Variants in APBB2 observed in about 807,000 individuals in gnomAD.
APBB2 encodes the protein Fe65-like 1.
In APBB2, 38 loss-of-function variants were observed where a neutral mutation model predicts 82.5. The ratio of observed to expected loss-of-function variants is 0.46; its 90% CI spans 0.36 to 0.60. The LOEUF (loss-of-function observed/expected upper bound fraction) is 0.60, where lower values mean the gene tolerates loss of function less well. APBB2 is among the 20% of genes least tolerant of loss of function. The pLI is 0.00. For synonymous variants in APBB2, 341 were observed against 368.2 expected (o/e 0.93, Z 0.85); for missense variants, 772 against 972.3 (o/e 0.79, Z 2.74).
Position 41,013,651 on chromosome 4 carries a change from C to T in APBB2, c.767G>A (p.Ser256Asn), listed in dbSNP as rs775216158. ...CGTTGTCCAGCTGGACTCCTCATCG[C>T]TCGGTGCCAGGTTCTGGATCCGGTG... ...ALHRIQNLAP[S>N]DEESSWTTLS... Residue 256 changes from serine to asparagine, a missense_variant, in exon 6 of 18, where the codon AGC (serine) becomes AAC (asparagine). Transcript: ENST00000508593. 9.3e-6 allele frequency: 15 copies of T among 1,614,126 alleles called. No individual in the cohort carries two copies. The highest frequency in any genetic ancestry group is 2.2e-5 in the East Asian group (1 of 44,896).
At chr4:41,058,601 T>C (rs75787857) in intron 4 of APBB2, among the ~76,000 whole-genome samples, 29,677 of 152,054 alleles carry the variant, frequency 0.2, 3,613 homozygotes, top group Non-Finnish European at 0.27. Flanking sequence ...AGTAAGGAGG[T>C]AGCCACGGAT....
chr4:40,906,464 C>CAAAAAAAAAAAAAATAAAAAAGAAAAAA (rs1776738438), intron 10 of APBB2, among the ~76,000 whole-genome samples: 1 of 67,990 alleles, frequency 1.5e-5, no homozygotes, highest in African/African-American at 6.5e-5. Context: ...AAACCTGTCT[C>CAAAAAAAAAAAAAATAAAAAAGAAAAAA]AAAAAAAAAA....
At chr4:41,000,057 A>ATGTG (rs1804726089) in intron 6 of APBB2, among the ~76,000 whole-genome samples, 1 of 86,262 alleles carries the variant, frequency 1.2e-5, no homozygotes, top group African/African-American at 3.9e-5. Flanking sequence ...GTATATGTAT[A>ATGTG]TATATGTGTG....
intron 1 of APBB2, among the ~76,000 whole-genome samples, chr4:41,164,458 G>A (rs1399093508): frequency 6.6e-6 from 1 of 152,118 alleles, no homozygotes; most frequent in African/African-American, 2.4e-5. Flanking sequence ...ACTGACACAG[G>A]ATGCAAAAGG....
At chr4:41,078,554 G>C (rs1216098588) in intron 3 of APBB2, among the ~76,000 whole-genome samples, 1 of 152,184 alleles carries the variant, frequency 6.6e-6, no homozygotes, top group Non-Finnish European at 1.5e-5. Context: ...AGTGCATCTT[G>C]TTATTTAAGG....
At chr4:41,193,684 C>T in intron 1 of APBB2, 1 of 372,754 alleles carries the variant, frequency 2.7e-6, no homozygotes, top group Non-Finnish European at 3.7e-6. Context: ...ACCACTGCTG[C>T]TGTTACAGCA....
intron 3 of APBB2, among the ~76,000 whole-genome samples, chr4:41,098,767 C>T (rs976603054): frequency 4.6e-5 from 7 of 152,160 alleles, no homozygotes; most frequent in Non-Finnish European, 1.0e-4. Context: ...GCTTAAGTAG[C>T]TTACTTTCTG....
intron 12 of APBB2, among the ~76,000 whole-genome samples, chr4:40,872,386 TA>T (rs965369244): frequency 6.6e-6 from 1 of 152,192 alleles, no homozygotes; most frequent in Non-Finnish European, 1.5e-5. Flanking sequence ...GGACCTGCAC[TA>T]AGTCCTAAGG....
intron 12 of APBB2, among the ~76,000 whole-genome samples, chr4:40,836,638 G>T (rs1333837264): frequency 6.6e-6 from 1 of 152,166 alleles, no homozygotes; most frequent in Non-Finnish European, 1.5e-5. Context: ...AGGAGAGGCT[G>T]GTCCCAAAGA....
intron 10 of APBB2, among the ~76,000 whole-genome samples, chr4:40,902,289 C>T (rs761600814): frequency 3.3e-5 from 5 of 152,276 alleles, no homozygotes; most frequent in South Asian, 2.1e-4. Context: ...TATGTGTGTA[C>T]GTGAATCAGG....
intron 7 of APBB2, among the ~76,000 whole-genome samples, chr4:40,938,670 A>G (rs1786007573): frequency 2.0e-5 from 3 of 152,192 alleles, no homozygotes; most frequent in Non-Finnish European, 4.4e-5. Flanking sequence ...ACGAAGTGGT[A>G]GCAAAATGCA....
intron 4 of APBB2, among the ~76,000 whole-genome samples, chr4:41,034,936 G>A (rs1161707511): frequency 6.6e-6 from 1 of 152,128 alleles, no homozygotes; most frequent in Non-Finnish European, 1.5e-5. Context: ...GTCAAATACA[G>A]ATACTGTATG....
intron 3 of APBB2, among the ~76,000 whole-genome samples, chr4:41,076,213 C>T (rs1440525748): frequency 9.9e-5 from 15 of 152,108 alleles, no homozygotes; most frequent in Admixed American, 9.8e-4. Flanking sequence ...CAGTATGCGG[C>T]AAAGAACTTG....
intron 12 of APBB2, 100 bp from the exon 13 acceptor site, chr4:40,830,677 G>T: frequency 1.4e-6 from 1 of 694,206 alleles, no homozygotes; most frequent in Non-Finnish European, 2.6e-6. Context: ...GCGTGTCAAT[G>T]GTAAACAATG....
At chr4:40,844,364 GT>G (rs1756891660) in intron 12 of APBB2, among the ~76,000 whole-genome samples, 1 of 152,330 alleles carries the variant, frequency 6.6e-6, no homozygotes, top group Admixed American at 6.5e-5. Context: ...TAAGCATGAA[GT>G]TAAATGGGAC....
chr4:41,182,139 G>C (rs149777998), intron 1 of APBB2, among the ~76,000 whole-genome samples: 391 of 152,226 alleles, frequency 2.6e-3, no homozygotes, highest in African/African-American at 9.2e-3. Flanking sequence ...CGCATCTCCA[G>C]GATAAACAAG....
intron 12 of APBB2, among the ~76,000 whole-genome samples, chr4:40,869,745 T>C (rs753214885): frequency 6.6e-6 from 1 of 152,160 alleles, no homozygotes; most frequent in Non-Finnish European, 1.5e-5. Context: ...TATTTCTTGG[T>C]TTAGATCTTT....
chr4:41,058,604 C>T (rs12511269), intron 4 of APBB2, among the ~76,000 whole-genome samples: 32,059 of 152,106 alleles, frequency 0.21, 4,396 homozygotes, highest in East Asian at 0.54. Flanking sequence ...AAGGAGGTAG[C>T]CACGGATAAG....
intron 1 of APBB2, among the ~76,000 whole-genome samples, chr4:41,159,895 AAGAAGAAGG>A (rs1764402171): frequency 1.1e-5 from 1 of 91,920 alleles, no homozygotes; most frequent in African/African-American, 5.0e-5. Flanking sequence ...AAAAAAAAGG[AAGAAGAAGG>A]AGAAGGAGGA....
Sources: gnomAD v4.1 joint callset for allele counts (sites outside exome capture counted in the v4.1 genomes callset) on GRCh38, gnomAD v4.1.1 for gene constraint, MANE v1.5 for transcripts, NCBI Gene and HGNC (gene_info 2026-07-23, HGNC 2026-07-21) for gene names.